MAPK6: variants seen among roughly 807,000 people sequenced by gnomAD.
MAPK6 encodes ERK-3.
MAPK6 carries 19 observed loss-of-function variants against 59.3 expected under a neutral mutation model. The observed-to-expected ratio is 0.32, with a 90% confidence interval of 0.22 to 0.47. MAPK6 has a LOEUF of 0.47. Among genes scored for constraint, MAPK6 ranks in the 20% least tolerant of loss-of-function variants. MAPK6 has a pLI of 1.00. For synonymous variants in MAPK6, 316 were observed against 290.3 expected, an observed-to-expected ratio of 1.09 and a Z score of -0.90; for missense variants, 724 against 847.9, an observed-to-expected ratio of 0.85 and a Z score of 1.81.
chr15:52,038,918 G>T (rs2031327744), intron 1 of MAPK6, among the ~76,000 whole-genome samples: 2 of 152,310 alleles, frequency 1.3e-5, no homozygotes, highest in South Asian at 4.1e-4. Context: ...TATAAGACTT[G>T]TAAATCATAG....
At chr15:51,976,111 A>G (rs2057156532) in intron 1 of MAPK6, among the ~76,000 whole-genome samples, 1 of 149,274 alleles carries the variant, frequency 6.7e-6, no homozygotes, top group South Asian at 2.1e-4. Flanking sequence ...CTAAAAATAT[A>G]AAAAATTTGC....
At chr15:51,980,303 AAAG>A (rs1263520778) in intron 1 of MAPK6, among the ~76,000 whole-genome samples, 3 of 151,188 alleles carry the variant, frequency 2.0e-5, no homozygotes, top group African/African-American at 7.3e-5. Flanking sequence ...TAAAAAAAAA[AAAG>A]AAAAAAAAAT....
At chr15:52,056,571 G>A (rs55705935) in intron 3 of MAPK6, 8,240 of 152,018 alleles carry the variant, frequency 0.054, 419 homozygotes, top group African/African-American at 0.13. Flanking sequence ...TAAATCCCTT[G>A]TCAATTCTAA....
At chr15:52,051,428 C>T (rs901828855) in intron 3 of MAPK6, among the ~76,000 whole-genome samples, 1 of 79,446 alleles carries the variant, frequency 1.3e-5, no homozygotes, top group Admixed American at 1.3e-4. Context: ...AAGGAATAGG[C>T]CAGAGTCTAT....
rs149107748 is a variant in MAPK6 at position 52,007,327 on chromosome 15, T to TG, written c.-632+2931dup. ...ACCCACCTTCTTCAGGGCTATCTTC[T>TG]GGGGGGTGGGGTTCTAGCAAGACTG... On this transcript the variant is annotated intron_variant, in intron 3 of 7. Transcript: ENST00000691380. Among the ~76,000 whole-genome samples, 909 of 152,092 alleles carry TG rather than the reference T, an allele frequency of 6.0e-3. 12 individuals are homozygous for TG. Among genetic ancestry groups the TG allele is most frequent in the African/African-American group, 0.021 (875 of 41,488 alleles).
chr15:52,026,038 A>C (rs909460484), intron 1 of MAPK6, among the ~76,000 whole-genome samples: 2 of 152,242 alleles, frequency 1.3e-5, no homozygotes, highest in Admixed American at 6.5e-5. Context: ...TGTGTTCAAT[A>C]AAGTAGATAA....
chr15:52,052,086 CAACA>C (rs1425216764), intron 3 of MAPK6, among the ~76,000 whole-genome samples: 1 of 152,136 alleles, frequency 6.6e-6, no homozygotes, highest in Non-Finnish European at 1.5e-5. Flanking sequence ...GTAGCTTAAA[CAACA>C]AACATTTATT....
At chr15:51,995,876 T>G (rs2057222641) in intron 2 of MAPK6, among the ~76,000 whole-genome samples, 1 of 151,614 alleles carries the variant, frequency 6.6e-6, no homozygotes, top group African/African-American at 2.4e-5. Flanking sequence ...GGCAGTGAGC[T>G]GAGATCACAG....
At chr15:52,053,590 GA>G in intron 3 of MAPK6, among the ~76,000 whole-genome samples, 1 of 1,600 alleles carries the variant, frequency 6.3e-4, no homozygotes, top group African/African-American at 8.9e-4. Context: ...TTTGAAACAA[GA>G]TTGATTGATT....
intron 3 of MAPK6, among the ~76,000 whole-genome samples, chr15:52,054,476 C>G (rs1271710066): frequency 6.6e-6 from 1 of 152,278 alleles, no homozygotes; most frequent in Admixed American, 6.5e-5. Context: ...ACTGAATTAT[C>G]TTGACACTTT....
At chr15:52,033,375 A>AAAGCAGGTGGAAGAAGATGGGAT (rs1306411281) in intron 1 of MAPK6, among the ~76,000 whole-genome samples, 5 of 152,176 alleles carry the variant, frequency 3.3e-5, no homozygotes, top group Non-Finnish European at 7.3e-5. Context: ...AGGCTAGAAC[A>AAAGCAGGTGGAAGAAGATGGGAT]AAGCAGGTGG....
Position 51,984,854 on chromosome 15 carries a change from A to G in MAPK6, c.-770+1539A>G, listed in dbSNP as rs75294050. On this transcript the variant is annotated intron_variant, in intron 2 of 7. Transcript: ENST00000691380. ...TGCAGGCAGGATGCAGCACAGCTCTATATCTCTGGGAAGTGAGATTATGGG... is the reference window on the plus strand; with the variant it reads ...TGCAGGCAGGATGCAGCACAGCTCTGTATCTCTGGGAAGTGAGATTATGGG... Among the ~76,000 whole-genome samples the G allele has an allele frequency of 9.7e-3, 1,481 of 152,310 alleles. 27 individuals carry two copies. The highest frequency in any genetic ancestry group is 0.034 in the African/African-American group (1,432 of 41,560).
Position 52,065,145 on chromosome 15 carries a change from CTTTCTT to C in MAPK6, c.*151_*156del. On this transcript the variant is annotated 3_prime_UTR_variant, in exon 6 of 6. Transcript: ENST00000261845. ...GAGTTCTTGTTTTTTAAAATCCAGA[CTTTCTT>C]TTTCTACATGTGAGATAGTTTTCAT... 5.7e-6 allele frequency: 4 copies of C among 705,414 alleles called. No individual in the cohort carries two copies. The highest frequency in any genetic ancestry group is 8.6e-6 in the Non-Finnish European group (4 of 464,664). 43.7% of individuals were successfully genotyped at this position (705,414 alleles called of 1,614,324 possible).
intron 3 of MAPK6, among the ~76,000 whole-genome samples, 180 bp downstream of exon 3, chr15:52,050,317 T>G (rs2031736225): frequency 6.6e-6 from 1 of 152,244 alleles, no homozygotes; most frequent in South Asian, 2.1e-4. Flanking sequence ...TTCACTAAAT[T>G]GGTCACTTCA....
intron 1 of MAPK6, among the ~76,000 whole-genome samples, chr15:52,036,416 T>C (rs2031243798): frequency 6.6e-6 from 1 of 152,178 alleles, no homozygotes; most frequent in Non-Finnish European, 1.5e-5. Flanking sequence ...TCTGGAGGCT[T>C]GGCAGTCTGA....
chr15:52,028,150 C>T (rs1009586259), intron 1 of MAPK6, among the ~76,000 whole-genome samples: 1 of 151,950 alleles, frequency 6.6e-6, no homozygotes, highest in Non-Finnish European at 1.5e-5. Context: ...GACAGGGTTT[C>T]ACCGTGTTAG....
chr15:52,064,173 A>C lies in MAPK6; in HGVS notation c.1339A>C (p.Lys447Gln). The change falls in exon 6 of 6, where the codon AAA becomes CAA. Residue 447 changes from lysine to glutamine, a missense_variant. Physicochemically the swap from Lys to Gln is moderately conservative, Grantham distance 53. This residue lies in a region of MAPK6 where 502 missense variants were observed against 507.6 expected (regional missense o/e 0.99). Transcript: ENST00000261845. ...DLECSHTCNY[K>Q]TRSSSYLDNL... is the part of the protein sequence containing the mutation. Reference sequence around the variant, plus strand: ...GGAGTGTAGCCATACTTGTAACTACAAAACGAGGTCATCATCATATTTAGA... The same window carrying C: ...GGAGTGTAGCCATACTTGTAACTACCAAACGAGGTCATCATCATATTTAGA... The C allele has an allele frequency of 6.2e-7, 1 of 1,613,172 alleles. No homozygotes were observed. The highest frequency in any genetic ancestry group is 8.5e-7 in the Non-Finnish European group (1 of 1,179,770).
chr15:51,997,964 A>G (rs933390781), intron 2 of MAPK6, among the ~76,000 whole-genome samples: 3 of 142,080 alleles, frequency 2.1e-5, no homozygotes, highest in African/African-American at 5.4e-5. Flanking sequence ...TTTCTTTTTG[A>G]GACAAAGTCT....
upstream of MAPK6, chr15:52,018,926 G>A (rs892323066): frequency 6.6e-6 from 1 of 152,334 alleles, no homozygotes; most frequent in Non-Finnish European, 1.5e-5. Context: ...GCACGTAGTA[G>A]GTGCTTAGTA....
Sources: allele counts gnomAD v4.1 joint callset (sites outside exome capture counted in the v4.1 genomes callset), GRCh38; gene constraint gnomAD v4.1.1; regional missense constraint gnomAD v4.1.1; transcripts MANE v1.5; gene names NCBI Gene and HGNC (gene_info 2026-07-23, HGNC 2026-07-21).